Variants in OTOGL observed in about 807,000 individuals in gnomAD.
OTOGL encodes the protein otogelin like, also known as otogelin-like protein.
A neutral mutation model predicts 318.5 loss-of-function variants in OTOGL; 285 were observed. That is an observed-to-expected ratio of 0.89 (90% CI 0.81 to 0.99). The LOEUF is 0.99. Among genes scored for constraint, OTOGL ranks in the 50% least tolerant of loss-of-function variants. OTOGL has a pLI of 0.00. For missense variants in OTOGL, 2,899 were observed against 2,845.6 expected, an observed-to-expected ratio of 1.02 and a Z score of -0.43; for synonymous variants, 987 against 936.5, an observed-to-expected ratio of 1.05 and a Z score of -0.99.
intron 35 of OTOGL, among the ~76,000 whole-genome samples, chr12:80,327,935 G>T (rs1178639267): frequency 1.5e-5 from 2 of 133,924 alleles, no homozygotes; most frequent in African/African-American, 5.8e-5. Flanking sequence ...CTCCAGCCTG[G>T]GTGACAGAGC....
chr12:80,118,867 T>TG (rs1592466483), intron 1 of OTOGL, among the ~76,000 whole-genome samples: 1 of 151,334 alleles, frequency 6.6e-6, no homozygotes, highest in African/African-American at 2.4e-5. Flanking sequence ...TAGATCTGTT[T>TG]TTTTTTTTTT....
chr12:80,340,968 C>T (rs562018682), intron 43 of OTOGL, among the ~76,000 whole-genome samples: 12 of 142,400 alleles, frequency 8.4e-5, no homozygotes, highest in African/African-American at 2.9e-4. Context: ...TTTAATTGCA[C>T]GTAGTACCCT....
At chr12:80,127,044 T>A (rs557264814) in intron 1 of OTOGL, among the ~76,000 whole-genome samples, 12 of 152,318 alleles carry the variant, frequency 7.9e-5, no homozygotes, top group African/African-American at 2.6e-4. Flanking sequence ...TATTTACATT[T>A]AAGGTTGATA....
intron 26 of OTOGL, among the ~76,000 whole-genome samples, chr12:80,291,701 G>A (rs1484079601): frequency 6.6e-6 from 1 of 152,188 alleles, no homozygotes; most frequent in Non-Finnish European, 1.5e-5. Flanking sequence ...AGTCATATCT[G>A]TAAATATTCC....
chr12:80,306,797 A>T (rs1167642916), intron 29 of OTOGL, among the ~76,000 whole-genome samples: 2 of 90,032 alleles, frequency 2.2e-5, no homozygotes, highest in Non-Finnish European at 4.9e-5. Flanking sequence ...ATTTTATTTT[A>T]TTATTATTAT....
chr12:80,238,679 G>A (rs911160673), intron 9 of OTOGL, among the ~76,000 whole-genome samples, 172 bp from the exon 10 acceptor site: 2 of 151,912 alleles, frequency 1.3e-5, no homozygotes, highest in African/African-American at 4.8e-5. Context: ...TGTTCAATTT[G>A]TTTTTATTAT....
intron 1 of OTOGL, among the ~76,000 whole-genome samples, chr12:80,206,102 G>A (rs144683857): frequency 1.3e-5 from 2 of 152,214 alleles, no homozygotes; most frequent in East Asian, 1.9e-4. Flanking sequence ...GCTGGTGGCT[G>A]GCTTACTTTT....
chr12:80,267,477 G>A, intron 22 of OTOGL, 150 bp downstream of exon 22: 1 of 254,538 alleles, frequency 3.9e-6, no homozygotes. Context: ...ATGTATACAT[G>A]TGTGCCATGT....
intron 1 of OTOGL, among the ~76,000 whole-genome samples, chr12:80,108,150 C>A (rs890109650): frequency 1.3e-4 from 20 of 152,134 alleles, no homozygotes; most frequent in African/African-American, 4.8e-4. Context: ...AGGAAGTTGG[C>A]AAATAGATTT....
intron 29 of OTOGL, among the ~76,000 whole-genome samples, chr12:80,307,617 A>AC (rs542044778): frequency 0.013 from 1,069 of 81,832 alleles, 31 homozygotes; most frequent in African/African-American, 0.048. Flanking sequence ...CGGGGGGCTG[A>AC]CCCCCCCACC....
intron 4 of OTOGL, among the ~76,000 whole-genome samples, chr12:80,216,792 G>A (rs1877765478): frequency 6.6e-6 from 1 of 152,038 alleles, no homozygotes; most frequent in African/African-American, 2.4e-5. Flanking sequence ...AATTCATGCT[G>A]TTTACCACTA....
chr12:80,377,488 A>G (rs1891231478), intron 58 of OTOGL, among the ~76,000 whole-genome samples: 1 of 152,198 alleles, frequency 6.6e-6, no homozygotes, highest in African/African-American at 2.4e-5. Flanking sequence ...CTCAGCAAAA[A>G]GAGTTCTGCT....
At chr12:80,270,218 C>T (rs1375937806) in intron 23 of OTOGL, 64 bp downstream of exon 23, 3 of 1,327,508 alleles carry the variant, frequency 2.3e-6, no homozygotes, top group Non-Finnish European at 3.2e-6. Flanking sequence ...CCACTCCTGG[C>T]AGAAGTCATC....
chr12:80,106,290 A>G (rs1212259380), intron 1 of OTOGL, among the ~76,000 whole-genome samples: 2 of 152,160 alleles, frequency 1.3e-5, no homozygotes, highest in Non-Finnish European at 1.5e-5. Context: ...CTTTCACACT[A>G]CCAGAAACTA....
At chr12:80,204,936 G>T (rs2137293485) in intron 1 of OTOGL, among the ~76,000 whole-genome samples, 1 of 152,134 alleles carries the variant, frequency 6.6e-6, no homozygotes, top group East Asian at 1.9e-4. Flanking sequence ...GGTGGTAAAG[G>T]ATTCCCATAT....
At chr12:80,106,515 T>A (rs1869464106) in intron 1 of OTOGL, among the ~76,000 whole-genome samples, 1 of 152,206 alleles carries the variant, frequency 6.6e-6, no homozygotes, top group African/African-American at 2.4e-5. Context: ...TCTGTTCTTC[T>A]CCATATGTTT....
intron 7 of OTOGL, among the ~76,000 whole-genome samples, chr12:80,229,021 C>T (rs907667738): frequency 3.9e-5 from 6 of 152,076 alleles, no homozygotes; most frequent in African/African-American, 7.2e-5. Context: ...ATCCAACATG[C>T]GAAGATTCAA....
intron 44 of OTOGL, among the ~76,000 whole-genome samples, chr12:80,345,647 G>C (rs1390303598): frequency 6.6e-6 from 1 of 151,952 alleles, no homozygotes; most frequent in Non-Finnish European, 1.5e-5. Context: ...AACAGTAATG[G>C]TCAAGAAGAA....
In OTOGL at chr12:80,255,183, C is replaced by A; in HGVS notation, c.1585C>A (p.Gln529Lys). 1.4e-6 allele frequency: 2 copies of A among 1,477,868 alleles called. No individual in the cohort carries two copies. The highest frequency in any genetic ancestry group is 8.9e-7 in the Non-Finnish European group (1 of 1,118,700). 91.5% of individuals were successfully genotyped at this position (1,477,868 alleles called of 1,614,324 possible). ...TITLQKAPCE[Q>K]NLGLVCLQSI... is the part of the protein sequence containing the mutation. ...TACTTTACAGAAAGCTCCCTGTGAG[C>A]AGGTAAGAACATTTCAAAATGACCA... The change falls in exon 16 of 59, where the codon CAG becomes AAG. Residue 529 changes from glutamine (Q) to lysine (K), a missense_variant and splice_region_variant. By Grantham distance (53) the Gln-to-Lys change is moderately conservative. Transcript: ENST00000547103.
Sources: gnomAD v4.1 joint callset for allele counts (sites outside exome capture counted in the v4.1 genomes callset) on GRCh38, gnomAD v4.1.1 for gene constraint, MANE v1.5 for transcripts, NCBI Gene and HGNC (gene_info 2026-07-23, HGNC 2026-07-21) for gene names.